The following SZT2 variants were observed in gnomAD, a reference collection of about 807,000 sequenced individuals.
SZT2 encodes SZT2 subunit of KICSTOR complex.
A neutral mutation model predicts 404.2 loss-of-function variants in SZT2; 216 were observed. The observed-to-expected ratio is 0.53, with a 90% confidence interval of 0.48 to 0.60. SZT2 has a LOEUF of 0.60. Among genes scored for constraint, SZT2 ranks in the 20% least tolerant of loss-of-function variants. The pLI, the probability that SZT2 is intolerant of heterozygous loss-of-function variation, is 0.00. For synonymous variants in SZT2, 1,693 were observed against 1,749.9 expected, an observed-to-expected ratio of 0.97 and a Z score of 0.81; for missense variants, 3,857 against 4,459.2, an observed-to-expected ratio of 0.86 and a Z score of 3.85.
At chr1:43,429,113 C>T (rs1245909220) in intron 28 of SZT2, 4 of 155,622 alleles carry the variant, frequency 2.6e-5, no homozygotes, top group Admixed American at 2.5e-4. Context: ...TTCCCACTAA[C>T]CCTTGATTTT....
intron 1 of SZT2, among the ~76,000 whole-genome samples, chr1:43,392,129 G>GAAAAAAAAAAAAAAAAAC (rs1648451699): frequency 8.4e-6 from 1 of 118,734 alleles, no homozygotes; most frequent in Non-Finnish European, 1.8e-5. Context: ...AAAAAAAAAT[G>GAAAAAAAAAAAAAAAAAC]AAACAAATGA....
chr1:43,405,629 A>G (rs1216680814), intron 4 of SZT2: 4 of 152,254 alleles, frequency 2.6e-5, no homozygotes, highest in Non-Finnish European at 5.9e-5. Flanking sequence ...GGTCTGAAAC[A>G]TACAGCAACA....
rs1175492863 is a variant in SZT2, at chr1:43,403,614, A to C, written c.167A>C (p.Gln56Pro). The part of the protein sequence containing the change: ...TPQEMLLQSE[Q>P]ELEVLSVLPP... ...CCTAATTTTCAGCTTCAGTCTGAAC[A>C]GGAATTGGAAGTCCTCAGTGTCCTG... Residue 56 changes from glutamine (Q) to proline (P), a missense_variant, in exon 3 of 72, where the codon CAG (glutamine) becomes CCG (proline). Transcript: ENST00000634258. The C allele has an allele frequency of 6.2e-7, 1 of 1,612,738 alleles. No individual in the cohort carries two copies. The highest frequency in any genetic ancestry group is 8.5e-7 in the Non-Finnish European group (1 of 1,178,856).
chr1:43,453,375 G>T lies in SZT2; in HGVS notation c.*2895G>T. The T allele has an allele frequency of 6.7e-7, 1 of 1,485,464 alleles. No homozygotes were observed. Among genetic ancestry groups the T allele is most frequent in the Non-Finnish European group, 9.2e-7 (1 of 1,092,446 alleles). 92.0% of individuals were successfully genotyped at this position (1,485,464 alleles called of 1,614,324 possible). A position where few individuals can be genotyped will look rare whatever the true frequency, so the allele number is the denominator to read the frequency against. On this transcript the variant is annotated 3_prime_UTR_variant, in exon 72 of 72. Transcript: ENST00000634258. ...GGGTCACAGGGGTGGGGGTGGGGTG[G>T]AGCGGGGTACCTGGGACAGCCCAGG...
intron 7 of SZT2, among the ~76,000 whole-genome samples, chr1:43,418,108 A>G (rs570508654): frequency 2.6e-5 from 4 of 152,150 alleles, no homozygotes; most frequent in Non-Finnish European, 2.9e-5. Context: ...TTTAGTGAAG[A>G]GGTGGTGAGG....
chr1:43,425,122 C>T lies in SZT2; in HGVS notation c.2560C>T (p.Pro854Ser), dbSNP rs1249132160. Reference sequence around the variant, plus strand: ...CCCATTTTGCCCACAGAATGAACCACCAGGGCAGGCTGCAGCTGAAGAGAA... The same window carrying T: ...CCCATTTTGCCCACAGAATGAACCATCAGGGCAGGCTGCAGCTGAAGAGAA... ...VLELPIQNEPPGQAAAEEKHT... is the reference protein window; with the variant it reads ...VLELPIQNEPSGQAAAEEKHT... Residue 854 changes from proline (P) to serine (S), a missense_variant, in exon 18 of 72, where the codon CCA (proline) becomes TCA (serine). Coordinates refer to ENST00000634258, the MANE Select transcript of SZT2 (RefSeq NM_001365999.1). The surrounding 1 kb of genome is among the most constrained non-coding windows in gnomAD (Gnocchi z 4.3). 6.2e-7 allele frequency: 1 copy of T among 1,614,164 alleles called. No homozygotes were observed. The highest frequency in any genetic ancestry group is 8.5e-7 in the Non-Finnish European group (1 of 1,180,004).
In SZT2 at chr1:43,443,133, TG is replaced by T. The variant is rs751967751; in HGVS notation, c.8419+50del. The T allele has an allele frequency of 9.3e-6, 15 of 1,613,220 alleles. No individual in the cohort carries two copies. The African/African-American group carries it at 1.7e-4, about 19-fold the overall frequency. On this transcript the variant is annotated intron_variant, in intron 59 of 71. Coordinates refer to ENST00000634258, the MANE Select transcript of SZT2 (RefSeq NM_001365999.1). Reference sequence around the variant, plus strand: ...GCAGGGACAGGAAATCTGTGGAGTCTGGGAGGAAGGGAGTGACAATGCCTGG... The same window carrying T: ...GCAGGGACAGGAAATCTGTGGAGTCTGGAGGAAGGGAGTGACAATGCCTGG...
intron 28 of SZT2, chr1:43,429,478 A>G (rs193218089): frequency 1.1e-4 from 58 of 532,356 alleles, no homozygotes; most frequent in African/African-American, 9.5e-4. Flanking sequence ...CAACAGAGTA[A>G]GACTCTGTCC....
chr1:43,428,851 C>G (rs930873705), intron 28 of SZT2: 12 of 245,264 alleles, frequency 4.9e-5, no homozygotes, highest in Non-Finnish European at 8.9e-5. Flanking sequence ...CTGTATTTTG[C>G]TCACTGCTAA....
At position 43,420,967 on chromosome 1, in the gene SZT2, T is replaced by C. The variant is rs1652285225; in HGVS notation, c.1480T>C (p.Trp494Arg). Residue 494 changes from tryptophan to arginine, a missense_variant, in exon 10 of 72, where the codon TGG (tryptophan) becomes CGG (arginine). Around this residue, in one of 7 missense-constraint regions of SZT2, gnomAD observed 536 missense variants for 637.4 expected, o/e 0.84. Coordinates refer to ENST00000634258, the MANE Select transcript of SZT2 (RefSeq NM_001365999.1). This position sits in a 1 kb window ranked among gnomAD's most constrained non-coding sequence, Gnocchi z 5.1. ...LYRTHVIRRF[W>R]NTLQSINQTD... ...TCGTACCCATGTTATCCGGCGTTTC[T>C]GGAACACGCTGCAGAGGTCAGTGAA... The C allele has an allele frequency of 6.3e-7, 1 of 1,598,334 alleles. No homozygotes were observed. Among genetic ancestry groups the C allele is most frequent in the Non-Finnish European group, 8.5e-7 (1 of 1,179,816 alleles).
intron 1 of SZT2, among the ~76,000 whole-genome samples, chr1:43,401,589 C>T (rs1172525039): frequency 3.3e-5 from 5 of 151,904 alleles, no homozygotes; most frequent in African/African-American, 7.3e-5. Context: ...TGGGTTCAAG[C>T]GATCTCCTGC....
In SZT2 at chr1:43,404,456, C is replaced by A; in HGVS notation, c.404C>A (p.Pro135His). 1 of 1,614,066 alleles carries A rather than the reference C, an allele frequency of 6.2e-7. No individual in the cohort carries two copies. The change falls in exon 4 of 72, where the codon CCC (proline) becomes CAC (histidine). Residue 135 changes from proline to histidine, a missense_variant. Transcript: ENST00000634258. ...LSRCLGGLLR[P>H]FRVPGSCIDF... ...CGCTGCTTAGGCGGGCTGCTTCGGC[C>A]CTTCCGAGTGCCTGGATCTTGCATC... is the stretch of plus-strand genomic sequence containing the variant.
chr1:43,453,652 G>T lies in SZT2; in HGVS notation c.*3172G>T. On this transcript the variant is annotated 3_prime_UTR_variant, in exon 72 of 72. Coordinates refer to ENST00000634258, the MANE Select transcript of SZT2 (RefSeq NM_001365999.1). ...CCCGCTTCTCGCGCGGCGCGCGCCA[G>T]CGCCTCAGGCGTCTCCGCGTACGGC... is the stretch of plus-strand genomic sequence containing the variant. 1 of 1,486,576 alleles carries T rather than the reference G, an allele frequency of 6.7e-7. No individual in the cohort carries two copies. The highest frequency in any genetic ancestry group is 8.9e-7 in the Non-Finnish European group (1 of 1,126,012). The allele number at this position is 1,486,576 out of a possible 1,614,324, so 92.1% of individuals were successfully genotyped here.
chr1:43,390,311 A>G (rs1396295922), intron 1 of SZT2, among the ~76,000 whole-genome samples: 3 of 152,338 alleles, frequency 2.0e-5, no homozygotes, highest in South Asian at 2.1e-4. Flanking sequence ...TGCAGTTTCA[A>G]TGGGCAACAC....
At chr1:43,414,942 T>C (rs1651523546) in intron 4 of SZT2, 140 bp from the exon 5 acceptor site, 1 of 1,028,836 alleles carries the variant, frequency 9.7e-7, no homozygotes, top group African/African-American at 1.6e-5. Flanking sequence ...GGAAATTGGC[T>C]GTGGAGTCAT....
Position 43,441,145 on chromosome 1 carries a change from C to G in SZT2, c.7345-69C>G. On this transcript the variant is annotated intron_variant, in intron 52 of 71. Transcript: ENST00000634258. The surrounding 1 kb of genome is among the most constrained non-coding windows in gnomAD (Gnocchi z 4.8). Reference sequence around the variant, plus strand: ...TGAATCCTCCTAGCTCACTGCTGTTCCATAGTGCCCCCATCCCACACCTTT... The same window carrying G: ...TGAATCCTCCTAGCTCACTGCTGTTGCATAGTGCCCCCATCCCACACCTTT... The G allele has an allele frequency of 6.4e-7, 1 of 1,558,774 alleles. No homozygotes were observed. The highest frequency in any genetic ancestry group is 8.7e-7 in the Non-Finnish European group (1 of 1,145,546).
chr1:43,443,851 C>T (rs1655369741), intron 62 of SZT2, 55 bp downstream of exon 62: 4 of 1,597,798 alleles, frequency 2.5e-6, no homozygotes, highest in Non-Finnish European at 3.4e-6. Flanking sequence ...GCAAGTGAGG[C>T]CCCACAGGCC....
rs754369695 is a variant in SZT2 at position 43,443,635 on chromosome 1, G to T, written c.8664G>T (p.Glu2888Asp). ...HRPESGSGSR[E>D]APTSCESLDV... ...CTGAGTCAGGGTCTGGGAGCCGAGA[G>T]GCCCCCACAAGCTGTGAATCCTTGG... is the stretch of plus-strand genomic sequence containing the variant. The change falls in exon 62 of 72, where the codon GAG becomes GAT. Residue 2888 changes from glutamate (E) to aspartate (D), a missense_variant. Glu to Asp is a conservative substitution (Grantham distance 45). Coordinates refer to ENST00000634258, the MANE Select transcript of SZT2 (RefSeq NM_001365999.1). 6.2e-7 allele frequency: 1 copy of T among 1,614,210 alleles called. No individual in the cohort carries two copies. The highest frequency in any genetic ancestry group is 2.2e-5 in the East Asian group (1 of 44,886).
chr1:43,453,069 C>G lies in SZT2; in HGVS notation c.*2589C>G. 1.0e-6 allele frequency: 1 copy of G among 962,990 alleles called. No homozygotes were observed. The highest frequency in any genetic ancestry group is 2.0e-5 in the Admixed American group (1 of 50,916). The allele number at this position is 962,990 out of a possible 1,614,324, so 59.7% of individuals were successfully genotyped here. On this transcript the variant is annotated 3_prime_UTR_variant, in exon 72 of 72. Transcript: ENST00000634258. ...TCTCTGATCCAGACAGGGTTAGGTG[C>G]CTACCCTGCTCCCACAGCTTCCTGG...
Sources: gnomAD v4.1 joint callset for allele counts (sites outside exome capture counted in the v4.1 genomes callset) on GRCh38, gnomAD v4.1.1 for gene constraint, gnomAD v4.1.1 regional missense constraint, Gnocchi (gnomAD v3.1) non-coding constraint, MANE v1.5 for transcripts, NCBI Gene and HGNC (gene_info 2026-07-23, HGNC 2026-07-21) for gene names.